PTPRD: variants seen among roughly 807,000 people sequenced by gnomAD.
The protein encoded by PTPRD is receptor-type tyrosine-protein phosphatase delta.
Under a neutral mutation model 214.5 loss-of-function variants are expected in PTPRD, and 34 were observed. The ratio of observed to expected loss-of-function variants is 0.16; its 90% CI spans 0.12 to 0.21. The LOEUF is 0.21. Ranked by LOEUF, PTPRD falls within the 10% of genes least tolerant of loss-of-function variation. The pLI is 1.00. For synonymous variants in PTPRD, 1,128 were observed against 845.7 expected (o/e 1.33, Z -5.79); for missense variants, 2,545 against 2,398.7 (o/e 1.06, Z -1.27).
intron 10 of PTPRD, among the ~76,000 whole-genome samples, chr9:9,090,743 C>G (rs943896703): frequency 6.6e-6 from 1 of 152,166 alleles, no homozygotes; most frequent in Non-Finnish European, 1.5e-5. Context: ...TGTCCTTACT[C>G]AAAACATCAG....
intron 36 of PTPRD, among the ~76,000 whole-genome samples, chr9:8,390,506 C>T (rs1233839991): frequency 6.6e-6 from 1 of 151,984 alleles, no homozygotes; most frequent in African/African-American, 2.4e-5. Flanking sequence ...GCCCTTTATA[C>T]TACTGATTAA....
chr9:9,075,957 C>T (rs950355506), intron 10 of PTPRD, among the ~76,000 whole-genome samples: 1 of 152,118 alleles, frequency 6.6e-6, no homozygotes, highest in African/African-American at 2.4e-5. Flanking sequence ...AATGGTATGT[C>T]TAGTTCTAGA....
Position 10,364,088 on chromosome 9 carries a change from C to G in PTPRD, c.-599-23071G>C, listed in dbSNP as rs550372807. On this transcript the variant is annotated intron_variant, in intron 2 of 45. Transcript: ENST00000381196. The stretch of plus-strand genomic sequence containing the variant: ...GATCTCGGCTCACTACAAGCTCCCC[C>G]TCCCGGGTTCATGCCATTCTCCTAC... 1.7e-3 allele frequency among the ~76,000 whole-genome samples: 246 copies of G among 146,188 alleles called. 4 individuals carry two copies. Among genetic ancestry groups the G allele is most frequent in the East Asian group, 0.01 (48 of 4,646 alleles).
intron 7 of PTPRD, among the ~76,000 whole-genome samples, chr9:9,631,192 C>T (rs541112711): frequency 5.8e-4 from 81 of 139,558 alleles, no homozygotes; most frequent in African/African-American, 2.1e-3. Context: ...GTATCTCATT[C>T]ATAAATAAAT....
At chr9:9,889,507 G>A (rs544523988) in intron 5 of PTPRD, among the ~76,000 whole-genome samples, 5 of 152,150 alleles carry the variant, frequency 3.3e-5, no homozygotes, top group Non-Finnish European at 7.3e-5. Flanking sequence ...AGATTCGGAT[G>A]AAGACTATTA....
chr9:8,929,889 G>A (rs376461620), intron 11 of PTPRD, among the ~76,000 whole-genome samples: 29,891 of 67,736 alleles, frequency 0.44, 8,317 homozygotes, highest in East Asian at 0.89. Context: ...ATATGTGTGT[G>A]TATATATATG....
At chr9:8,686,135 G>A (rs1383055558) in intron 12 of PTPRD, among the ~76,000 whole-genome samples, 1 of 152,190 alleles carries the variant, frequency 6.6e-6, no homozygotes. Context: ...TCAGTGCACA[G>A]CGTACAATAT....
chr9:8,786,354 T>A (rs555378935), intron 11 of PTPRD, among the ~76,000 whole-genome samples: 3 of 151,752 alleles, frequency 2.0e-5, no homozygotes, highest in African/African-American at 2.4e-5. Context: ...TTAGGCACTA[T>A]GTTTTGAAAT....
At chr9:10,208,387 G>A (rs1284400756) in intron 3 of PTPRD, among the ~76,000 whole-genome samples, 5 of 152,082 alleles carry the variant, frequency 3.3e-5, no homozygotes, top group Admixed American at 6.6e-5. Context: ...GGTGGCGGGC[G>A]CCTGTAGTCC....
At chr9:9,761,448 G>A (rs535363489) in intron 6 of PTPRD, among the ~76,000 whole-genome samples, 4 of 152,196 alleles carry the variant, frequency 2.6e-5, no homozygotes, top group African/African-American at 2.4e-5. Flanking sequence ...TCAAATGCTC[G>A]TAGTGTTGGA....
chr9:9,876,091 AT>A (rs2066776413), intron 5 of PTPRD, among the ~76,000 whole-genome samples: 1 of 152,128 alleles, frequency 6.6e-6, no homozygotes, highest in African/African-American at 2.4e-5. Flanking sequence ...AAGATGGGCC[AT>A]GCATAGGCCA....
At chr9:9,821,691 A>T (rs888735999) in intron 5 of PTPRD, among the ~76,000 whole-genome samples, 1 of 152,028 alleles carries the variant, frequency 6.6e-6, no homozygotes, top group Admixed American at 6.6e-5. Flanking sequence ...ATGTAGCATT[A>T]TCAATAGCCC....
At chr9:9,257,399 C>T (rs867788705) in intron 9 of PTPRD, among the ~76,000 whole-genome samples, 4 of 152,052 alleles carry the variant, frequency 2.6e-5, no homozygotes, top group African/African-American at 9.6e-5. Flanking sequence ...TTCCATGTCC[C>T]AACCCCAAGC....
chr9:9,906,460 A>T (rs1266290785), intron 5 of PTPRD, among the ~76,000 whole-genome samples: 1 of 151,926 alleles, frequency 6.6e-6, no homozygotes, highest in Non-Finnish European at 1.5e-5. Context: ...GTGCCTACGT[A>T]ATCAGTAGGC....
At chr9:8,609,785 A>G (rs1252370277) in intron 14 of PTPRD, among the ~76,000 whole-genome samples, 2 of 152,220 alleles carry the variant, frequency 1.3e-5, no homozygotes, top group Admixed American at 1.3e-4. Flanking sequence ...TGGAAGGGAT[A>G]CTTGAGTATT....
At chr9:8,652,285 CTAATT>C (rs1370009474) in intron 12 of PTPRD, among the ~76,000 whole-genome samples, 1 of 152,130 alleles carries the variant, frequency 6.6e-6, no homozygotes, top group African/African-American at 2.4e-5. Flanking sequence ...TCTTTTTCCC[CTAATT>C]TAACTATTGC....
At position 9,765,127 on chromosome 9, in the gene PTPRD, T is replaced by C. The variant is rs192769519; in HGVS notation, c.-326+1683A>G. On this transcript the variant is annotated intron_variant, in intron 6 of 45. Transcript: ENST00000381196. ...TATTCTAAAGTCACATTAGTCTCTT[T>C]ACAGATATGGAAAATGACCAAAAAA... is the stretch of plus-strand genomic sequence containing the variant. Among the ~76,000 whole-genome samples, 642 of 152,228 alleles carry C rather than the reference T, an allele frequency of 4.2e-3. 5 individuals are homozygous for C. The highest frequency in any genetic ancestry group is 0.019 in the South Asian group (93 of 4,822).
chr9:8,837,401 T>C (rs991032167), intron 11 of PTPRD, among the ~76,000 whole-genome samples: 2 of 152,196 alleles, frequency 1.3e-5, no homozygotes, highest in African/African-American at 2.4e-5. Flanking sequence ...AGAAAATAAA[T>C]TGAGACAAGA....
chr9:9,645,429 T>A (rs117962902), intron 7 of PTPRD, among the ~76,000 whole-genome samples: 3,149 of 149,392 alleles, frequency 0.021, 36 homozygotes, highest in Middle Eastern at 0.059. Flanking sequence ...TTTTTTTCAT[T>A]ATAATTATCA....
Sources: gnomAD v4.1 joint callset for allele counts (sites outside exome capture counted in the v4.1 genomes callset) on GRCh38, gnomAD v4.1.1 for gene constraint, MANE v1.5 for transcripts, NCBI Gene and HGNC (gene_info 2026-07-23, HGNC 2026-07-21) for gene names.